DBT: variants seen among roughly 807,000 people sequenced by gnomAD.
DBT encodes lipoamide acyltransferase component of branched-chain alpha-keto acid dehydrogenase complex, mitochondrial.
A neutral mutation model predicts 51.3 loss-of-function variants in DBT; 40 were observed. The ratio of observed to expected loss-of-function variants is 0.78; its 90% confidence interval spans 0.61 to 1.02. The LOEUF is 1.02. Among genes scored for constraint, DBT ranks in the 50% least tolerant of loss-of-function variants. DBT has a pLI of 0.00. For missense variants in DBT, 510 were observed against 580.2 expected (o/e 0.88, Z 1.24); for synonymous variants, 181 against 190.4 (o/e 0.95, Z 0.41).
intron 2 of DBT, among the ~76,000 whole-genome samples, chr1:100,238,746 A>T (rs1664046825): frequency 6.6e-6 from 1 of 152,142 alleles, no homozygotes; most frequent in Admixed American, 6.5e-5. Flanking sequence ...CTGAGTTAGG[A>T]AATATCAGAA....
At chr1:100,232,428 C>T (rs1314654071) in intron 3 of DBT, among the ~76,000 whole-genome samples, 3 of 152,068 alleles carry the variant, frequency 2.0e-5, no homozygotes, top group Non-Finnish European at 2.9e-5. Flanking sequence ...GCATGAGCCA[C>T]CACACCTGGC....
intron 3 of DBT, 78 bp downstream of exon 3, chr1:100,235,354 TTAAA>T: frequency 1.4e-6 from 1 of 707,670 alleles, no homozygotes; most frequent in East Asian, 2.8e-5. Flanking sequence ...CCACTATCCA[TTAAA>T]TAAATAAAAA....
chr1:100,196,093 TAA>T lies in DBT; in HGVS notation c.*160_*161del. ...CCATTACACCATTATTCATTTTCAGTAAAAAGTCTAATAGAACAGTGACAAAT... is the reference window on the plus strand; with the variant it reads ...CCATTACACCATTATTCATTTTCAGTAAAGTCTAATAGAACAGTGACAAAT... On this transcript the variant is annotated 3_prime_UTR_variant, in exon 11 of 11. Coordinates refer to ENST00000370132, the MANE Select transcript of DBT (RefSeq NM_001918.5). 1.4e-6 allele frequency: 1 copy of T among 698,364 alleles called. No homozygotes were observed. Among genetic ancestry groups the T allele is most frequent in the Non-Finnish European group, 2.5e-6 (1 of 405,008 alleles). The allele number at this position is 698,364 out of a possible 1,614,324, so 43.3% of individuals were successfully genotyped here.
At chr1:100,212,971 C>T (rs1015379239) in intron 7 of DBT, among the ~76,000 whole-genome samples, 1 of 152,138 alleles carries the variant, frequency 6.6e-6, no homozygotes, top group Non-Finnish European at 1.5e-5. Flanking sequence ...ATTTGATTTA[C>T]GGAAGACCAG....
intron 8 of DBT, among the ~76,000 whole-genome samples, chr1:100,208,674 G>C (rs185772905): frequency 6.6e-6 from 1 of 151,338 alleles, no homozygotes; most frequent in East Asian, 1.9e-4. Context: ...GAGGTGGGTG[G>C]ATCACTTGAG....
rs1424877167 is a variant in DBT, at chr1:100,237,949, T to G, written c.176-2438A>C. Among the ~76,000 whole-genome samples, 4 of 152,122 alleles carry G rather than the reference T, an allele frequency of 2.6e-5. No homozygotes were observed. In the East Asian group the frequency reaches 7.7e-4, roughly 29 times the overall value. ...AGCCACTCTGCCCAGCACAGAAGTATGTGATTTATATATTTATATACTTTT... is the reference window on the plus strand; with the variant it reads ...AGCCACTCTGCCCAGCACAGAAGTAGGTGATTTATATATTTATATACTTTT... On this transcript the variant is annotated intron_variant, in intron 2 of 10. Transcript: ENST00000370132.
chr1:100,218,556 G>C, intron 5 of DBT, 70 bp downstream of exon 5: 2 of 1,549,516 alleles, frequency 1.3e-6, no homozygotes, highest in Non-Finnish European at 1.8e-6. Flanking sequence ...TGGGATAGTT[G>C]GCTAATTTTT....
rs745690139 is a variant in DBT at position 100,240,744 on chromosome 1, T to C, written c.175+17A>G. 6.3e-7 allele frequency: 1 copy of C among 1,578,472 alleles called. No individual in the cohort carries two copies. Among genetic ancestry groups the C allele is most frequent in the Non-Finnish European group, 8.7e-7 (1 of 1,149,340 alleles). ...CAAAACATTATTTTATACACGTTAT[T>C]TTGAAATCATACTTACCAGCAGTTG... On this transcript the variant is annotated intron_variant, in intron 2 of 10. Transcript: ENST00000370132.
At chr1:100,249,736 C>G in intron 1 of DBT, 34 bp downstream of exon 1, 1 of 1,609,548 alleles carries the variant, frequency 6.2e-7, no homozygotes, top group East Asian at 2.2e-5. Context: ...CAAATCACTC[C>G]TTCCCGGCCT....
chr1:100,238,321 C>CCCTCT, intron 2 of DBT, among the ~76,000 whole-genome samples: 1 of 10,554 alleles, frequency 9.5e-5, no homozygotes, highest in Non-Finnish European at 5.2e-4. Context: ...TTTCTAGCTT[C>CCCTCT]CCTCCCCTCC....
At position 100,249,783 on chromosome 1, in the gene DBT, T is replaced by C. The variant is rs2100772581; in HGVS notation, c.38A>G (p.Asn13Ser). The change falls in exon 1 of 11, where the codon AAT (asparagine) becomes AGT (serine). Residue 13 changes from asparagine to serine, a missense_variant. Physicochemically the swap from Asn to Ser is conservative, Grantham distance 46. Coordinates refer to ENST00000370132, the MANE Select transcript of DBT (RefSeq NM_001918.5). ...AVRMLRTWSR[N>S]AGKLICVRYF... ...AAACGTGCTTACCAGCTTCCCCGCA[T>C]TCCTGCTCCAGGTTCTCAGCATACG... 1.2e-6 allele frequency: 2 copies of C among 1,614,204 alleles called. No homozygotes were observed. The highest frequency in any genetic ancestry group is 1.1e-5 in the South Asian group (1 of 91,090).
chr1:100,235,892 A>G (rs17122068), intron 2 of DBT, among the ~76,000 whole-genome samples: 5,148 of 152,328 alleles, frequency 0.034, 294 homozygotes, highest in African/African-American at 0.12. Flanking sequence ...AAGTTATGAA[A>G]CTATAATAAC....
rs1660774742 is a variant in DBT, at chr1:100,190,824, GACA to G, written c.*5428_*5430del. ...TGCTCTGAGGTTATTTGCTTATTAT[GACA>G]AGCCTGGGAAGACGTTTGGGTAGGT... is the stretch of plus-strand genomic sequence containing the variant. On this transcript the variant is annotated 3_prime_UTR_variant, in exon 11 of 11. Transcript: ENST00000370132. The G allele has an allele frequency of 6.6e-6, 1 of 152,210 alleles. No homozygotes were observed. The highest frequency in any genetic ancestry group is 1.5e-5 in the Non-Finnish European group (1 of 68,052). 9.4% of individuals were successfully genotyped at this position (152,210 alleles called of 1,614,324 possible). A position where few individuals can be genotyped will look rare whatever the true frequency, so the allele number is the denominator to read the frequency against.
chr1:100,205,428 A>T (rs535704468), intron 10 of DBT, among the ~76,000 whole-genome samples: 93 of 152,346 alleles, frequency 6.1e-4, no homozygotes, highest in Middle Eastern at 3.4e-3. Context: ...TACAATGGCA[A>T]TCATTAAAAA....
chr1:100,208,660 G>A (rs1276815745), intron 8 of DBT, among the ~76,000 whole-genome samples: 1 of 151,956 alleles, frequency 6.6e-6, no homozygotes, highest in African/African-American at 2.4e-5. Context: ...CACTTTGGGA[G>A]GCTGAGGTGG....
chr1:100,200,971 T>A (rs1661401925), intron 10 of DBT, among the ~76,000 whole-genome samples: 1 of 152,002 alleles, frequency 6.6e-6, no homozygotes, highest in Non-Finnish European at 1.5e-5. Flanking sequence ...ATAAAAAGGC[T>A]GAAAATGCCA....
chr1:100,213,815 C>G (rs1662310038), intron 7 of DBT: 1 of 1,419,416 alleles, frequency 7.0e-7, no homozygotes, highest in East Asian at 2.6e-5. Flanking sequence ...CTGCGGTTTC[C>G]CGGAGCGTGG....
chr1:100,196,725 T>C (rs894209958), intron 10 of DBT: 2 of 356,878 alleles, frequency 5.6e-6, no homozygotes, highest in South Asian at 7.1e-5. Flanking sequence ...TTATTTACTG[T>C]ATACCCACTA....
chr1:100,233,271 CACACATA>C (rs1404680275), intron 3 of DBT, among the ~76,000 whole-genome samples: 1 of 152,136 alleles, frequency 6.6e-6, no homozygotes, highest in Non-Finnish European at 1.5e-5. Context: ...AAGACAAAAG[CACACATA>C]ACATCTAAAC....
Sources: gnomAD v4.1 joint callset for allele counts (sites outside exome capture counted in the v4.1 genomes callset) on GRCh38, gnomAD v4.1.1 for gene constraint, MANE v1.5 for transcripts, NCBI Gene and HGNC (gene_info 2026-07-23, HGNC 2026-07-21) for gene names.